CTNNA3: variants seen among roughly 807,000 people sequenced by gnomAD.
The protein encoded by CTNNA3 is catenin alpha-3.
CTNNA3 carries 76 observed loss-of-function variants against 95.7 expected under a neutral mutation model. That is an observed-to-expected ratio of 0.79 (90% CI 0.66 to 0.96). CTNNA3 has a LOEUF of 0.96. Among genes scored for constraint, CTNNA3 ranks in the 40% least tolerant of loss-of-function variants. CTNNA3 has a pLI of 0.00. For missense variants in CTNNA3, 1,191 were observed against 1,089.8 expected (o/e 1.09, Z -1.31); for synonymous variants, 431 against 374.4 (o/e 1.15, Z -1.74).
chr10:66,060,357 C>A (rs1007101066), intron 15 of CTNNA3, among the ~76,000 whole-genome samples: 3 of 152,066 alleles, frequency 2.0e-5, no homozygotes, highest in African/African-American at 7.2e-5. Context: ...AACTAATGGG[C>A]TTCCAGGTTA....
intron 1 of CTNNA3, among the ~76,000 whole-genome samples, chr10:67,761,744 G>A (rs1841462654): frequency 6.6e-6 from 1 of 152,064 alleles, no homozygotes; most frequent in Non-Finnish European, 1.5e-5. Flanking sequence ...CAGGCGTGGT[G>A]GCAGGTGCCT....
intron 13 of CTNNA3, among the ~76,000 whole-genome samples, chr10:66,157,213 T>A (rs968096671): frequency 6.6e-6 from 1 of 151,902 alleles, no homozygotes; most frequent in Admixed American, 6.6e-5. Flanking sequence ...TCCTCGCAAG[T>A]CCCCAAAGTC....
intron 7 of CTNNA3, among the ~76,000 whole-genome samples, chr10:66,875,643 T>A (rs1844588385): frequency 6.6e-6 from 1 of 151,592 alleles, no homozygotes; most frequent in African/African-American, 2.4e-5. Flanking sequence ...AGCTTTAAAA[T>A]AAAAAAAATA....
intron 15 of CTNNA3, among the ~76,000 whole-genome samples, chr10:66,014,090 C>T (rs1489460708): frequency 2.7e-5 from 4 of 150,904 alleles, no homozygotes; most frequent in African/African-American, 9.8e-5. Context: ...TTCCTTAGAC[C>T]TTTCATTATA....
At chr10:67,023,151 T>C (rs1285136116) in intron 7 of CTNNA3, among the ~76,000 whole-genome samples, 3 of 152,222 alleles carry the variant, frequency 2.0e-5, no homozygotes, top group South Asian at 2.1e-4. Context: ...GATTCTAATA[T>C]TTATGTGGAA....
Position 66,247,497 on chromosome 10 carries a change from T to C in CTNNA3, c.1884+32973A>G, listed in dbSNP as rs150812271. 8.5e-5 allele frequency among the ~76,000 whole-genome samples: 13 copies of C among 152,270 alleles called. 1 individual carries two copies. The highest frequency in any genetic ancestry group is 1.5e-4 in the Non-Finnish European group (10 of 68,022). On this transcript the variant is annotated intron_variant, in intron 13 of 17. Transcript: ENST00000433211. ...TCAATATTTAAGTACAATAGGGTTATAGAACACCATGCAGCTGCAACTGAA... is the reference window on the plus strand; with the variant it reads ...TCAATATTTAAGTACAATAGGGTTACAGAACACCATGCAGCTGCAACTGAA...
chr10:66,072,900 C>A (rs1218151858), intron 14 of CTNNA3, among the ~76,000 whole-genome samples: 10 of 152,014 alleles, frequency 6.6e-5, no homozygotes, highest in African/African-American at 2.4e-4. Flanking sequence ...ACATTATGTT[C>A]TGAAGTGTAT....
chr10:66,644,403 A>G (rs1412239073), intron 9 of CTNNA3, among the ~76,000 whole-genome samples: 1 of 147,796 alleles, frequency 6.8e-6, no homozygotes, highest in Non-Finnish European at 1.5e-5. Context: ...ACATATATAT[A>G]TTTTGAGACC....
chr10:67,714,873 A>G (rs1366296802), intron 1 of CTNNA3, among the ~76,000 whole-genome samples: 1 of 152,232 alleles, frequency 6.6e-6, no homozygotes, highest in Admixed American at 6.5e-5. Flanking sequence ...GTTTCCCTGC[A>G]CAAGTTCTCT....
At chr10:67,426,615 T>C (rs994736366) in intron 5 of CTNNA3, among the ~76,000 whole-genome samples, 1 of 151,788 alleles carries the variant, frequency 6.6e-6, no homozygotes, top group Admixed American at 6.6e-5. Context: ...ATGAGAACAC[T>C]TGGACACAGA....
intron 7 of CTNNA3, among the ~76,000 whole-genome samples, chr10:66,940,121 G>C (rs549403953): frequency 1.3e-5 from 2 of 152,204 alleles, no homozygotes; most frequent in South Asian, 4.1e-4. Flanking sequence ...CTTAGGTAGA[G>C]AATCTTGGGC....
intron 6 of CTNNA3, among the ~76,000 whole-genome samples, chr10:67,200,542 A>AT (rs943168404): frequency 6.6e-6 from 1 of 152,130 alleles, no homozygotes; most frequent in African/African-American, 2.4e-5. Flanking sequence ...GCCTGCCTGA[A>AT]TGAGGTAAAG....
At chr10:65,955,516 C>T (rs991244916) in intron 17 of CTNNA3, among the ~76,000 whole-genome samples, 5 of 152,250 alleles carry the variant, frequency 3.3e-5, no homozygotes, top group Admixed American at 3.3e-4. Context: ...ATGATATTGG[C>T]TGAGGGTTTG....
chr10:67,029,364 G>T (rs1853581775), intron 7 of CTNNA3, among the ~76,000 whole-genome samples: 1 of 152,156 alleles, frequency 6.6e-6, no homozygotes. Flanking sequence ...TTTTGGAGCT[G>T]GTTCAGAGCA....
At chr10:67,726,619 A>T (rs1564841348) in intron 1 of CTNNA3, among the ~76,000 whole-genome samples, 17 of 62,972 alleles carry the variant, frequency 2.7e-4, no homozygotes, top group African/African-American at 9.1e-4. Flanking sequence ...ATAATATATA[A>T]TATATATTAT....
At chr10:66,588,597 C>T (rs1298187500) in intron 10 of CTNNA3, among the ~76,000 whole-genome samples, 1 of 152,082 alleles carries the variant, frequency 6.6e-6, no homozygotes, top group Non-Finnish European at 1.5e-5. Context: ...ATAGGTTTTC[C>T]TTTATAGGCT....
intron 12 of CTNNA3, among the ~76,000 whole-genome samples, chr10:66,287,784 G>A (rs2091614552): frequency 6.6e-6 from 1 of 151,994 alleles, no homozygotes; most frequent in Admixed American, 6.6e-5. Context: ...AGACATTCAA[G>A]TACACAGAAT....
intron 1 of CTNNA3, among the ~76,000 whole-genome samples, chr10:67,721,074 C>T (rs942211612): frequency 2.0e-5 from 3 of 152,146 alleles, no homozygotes; most frequent in Non-Finnish European, 4.4e-5. Flanking sequence ...TCTCAGGCTG[C>T]CCTTAATTTC....
intron 2 of CTNNA3, among the ~76,000 whole-genome samples, chr10:67,620,901 A>C (rs796879927): frequency 9.8e-6 from 1 of 102,178 alleles, no homozygotes; most frequent in Admixed American, 9.4e-5. Flanking sequence ...ATATATATGT[A>C]TATGTGTGTG....
Sources: gnomAD v4.1 joint callset for allele counts (sites outside exome capture counted in the v4.1 genomes callset) on GRCh38, gnomAD v4.1.1 for gene constraint, MANE v1.5 for transcripts, NCBI Gene and HGNC (gene_info 2026-07-23, HGNC 2026-07-21) for gene names.